CEP290: variants seen among roughly 807,000 people sequenced by gnomAD.
CEP290 encodes the protein centrosomal protein of 290 kDa.
Under a neutral mutation model 344.9 loss-of-function variants are expected in CEP290, and 317 were observed. The observed-to-expected ratio is 0.92, with a 90% confidence interval of 0.84 to 1.01. The LOEUF (loss-of-function observed/expected upper bound fraction) is 1.01. Among genes scored for constraint, CEP290 ranks in the 50% least tolerant of loss-of-function variants. The pLI is 0.00. For missense variants in CEP290, 2,754 were observed against 2,761.4 expected, an observed-to-expected ratio of 1.00 and a Z score of 0.06; for synonymous variants, 932 against 895.8, an observed-to-expected ratio of 1.04 and a Z score of -0.72.
intron 26 of CEP290, among the ~76,000 whole-genome samples, chr12:88,102,507 C>T (rs560780388): frequency 1.3e-5 from 2 of 152,148 alleles, no homozygotes; most frequent in Admixed American, 1.3e-4. Context: ...AATATTCTAC[C>T]TGTTTCATGC....
At chr12:88,125,070 T>C (rs2039647567) in intron 13 of CEP290, among the ~76,000 whole-genome samples, 176 bp downstream of exon 13, 1 of 151,898 alleles carries the variant, frequency 6.6e-6, no homozygotes, top group African/African-American at 2.4e-5. Flanking sequence ...GCATCCATCA[T>C]TTACAAATGT....
At chr12:88,050,464 G>C in intron 52 of CEP290, 31 bp from the exon 53 acceptor site, 2 of 1,094,930 alleles carry the variant, frequency 1.8e-6, no homozygotes, top group Non-Finnish European at 2.7e-6. Context: ...ATTAGACTCA[G>C]CTTTTTCCCA....
chr12:88,130,691 CAAAG>C lies in CEP290; in HGVS notation c.496-130_496-127del, dbSNP rs1280124805. 6.4e-6 allele frequency: 4 copies of C among 627,018 alleles called. No individual in the cohort carries two copies. In the African/African-American group the frequency reaches 7.7e-5, roughly 12 times the overall value. The allele number at this position is 627,018 out of a possible 1,614,324, so 38.8% of individuals were successfully genotyped here. A position where few individuals can be genotyped will look rare whatever the true frequency, so the allele number is the denominator to read the frequency against. On this transcript the variant is annotated intron_variant, in intron 7 of 53. Coordinates refer to ENST00000552810, the MANE Select transcript of CEP290 (RefSeq NM_025114.4). Reference sequence around the variant, plus strand: ...AATGATGCATATTATCTTGAATAACCAAAGAAAGAATACTAATTATCTACCAAAA... The same window carrying C: ...AATGATGCATATTATCTTGAATAACCAAAGAATACTAATTATCTACCAAAA...
intron 30 of CEP290, 49 bp downstream of exon 30, chr12:88,090,679 T>C (rs2036962811): frequency 1.8e-6 from 2 of 1,134,096 alleles, no homozygotes; most frequent in Non-Finnish European, 2.6e-6. Context: ...CTAATGTAAA[T>C]TTAGGGAAAA....
Position 88,089,344 on chromosome 12 carries a change from C to T in CEP290, c.3717G>A (p.Glu1239=), listed in dbSNP as rs1159465602. The part of the protein sequence containing the change: ...QKMEAYNLRL[E]QKLDEKEQAL... ...CCTGTTCTTTTTCATCAAGTTTCTG[C>T]TCTAAGCGCAAGTTGTAGGCCTCCA... Residue 1239 remains glutamate, a synonymous_variant, in exon 31 of 54, where the codon GAG becomes GAA. Coordinates refer to ENST00000552810, the MANE Select transcript of CEP290 (RefSeq NM_025114.4). The T allele has an allele frequency of 4.3e-6, 7 of 1,613,808 alleles. No homozygotes were observed. Among genetic ancestry groups the T allele is most frequent in the Non-Finnish European group, 5.9e-6 (7 of 1,179,886 alleles).
At chr12:88,105,396 C>T (rs1205027146) in intron 25 of CEP290, among the ~76,000 whole-genome samples, 3 of 152,134 alleles carry the variant, frequency 2.0e-5, no homozygotes, top group Admixed American at 6.5e-5. Flanking sequence ...GTGCAGAGTA[C>T]ACCAAGTGTG....
chr12:88,120,135 C>T lies in CEP290; in HGVS notation c.1501G>A (p.Glu501Lys). The T allele has an allele frequency of 6.5e-7, 1 of 1,549,134 alleles. No individual in the cohort carries two copies. The highest frequency in any genetic ancestry group is 8.7e-7 in the Non-Finnish European group (1 of 1,146,128). ...LKISDFLDEN[E>K]ALRERVGLEP... ...TTACCCACACGCTCTCTAAGTGCCT[C>T]ATTTTCATCAAGGAAATCACTGATC... The change falls in exon 15 of 54, where the codon GAG becomes AAG. Residue 501 changes from glutamate (E) to lysine (K), a missense_variant. Glu to Lys is a moderately conservative substitution (Grantham distance 56). Transcript: ENST00000552810.
At chr12:88,085,328 CAG>C (rs2036498247) in intron 34 of CEP290, among the ~76,000 whole-genome samples, 1 of 151,712 alleles carries the variant, frequency 6.6e-6, no homozygotes, top group Non-Finnish European at 1.5e-5. Flanking sequence ...GAGAAAAAAA[CAG>C]AAAAATTTTT....
intron 18 of CEP290, chr12:88,115,623 T>C: frequency 1.7e-6 from 2 of 1,147,306 alleles, no homozygotes; most frequent in Middle Eastern, 2.3e-4. Context: ...ATCAATGTAC[T>C]GCATTTTAGA....
rs190820871 is a variant in CEP290 at position 88,116,952 on chromosome 12, A to C, written c.1824+81T>G. 27,066 of 681,366 alleles carry C rather than the reference A, an allele frequency of 0.04. 2,463 individuals are homozygous for C. Among genetic ancestry groups the C allele is most frequent in the African/African-American group, 0.29 (14,626 of 49,792 alleles). 42.2% of individuals were successfully genotyped at this position (681,366 alleles called of 1,614,324 possible). On this transcript the variant is annotated intron_variant, in intron 18 of 53. Transcript: ENST00000552810. ...TCGCGCCACTGCACTCCAGCCTGGG[A>C]GACAGAGCGAGACTCCGTCTCAAAA...
At chr12:88,097,661 T>C (rs2037540462) in intron 26 of CEP290, among the ~76,000 whole-genome samples, 1 of 151,714 alleles carries the variant, frequency 6.6e-6, no homozygotes, top group South Asian at 2.1e-4. Flanking sequence ...TAAAATATTA[T>C]TTTAAAATAA....
chr12:88,106,703 T>C lies in CEP290; in HGVS notation c.2789A>G (p.Glu930Gly). 6.2e-7 allele frequency: 1 copy of C among 1,608,536 alleles called. No individual in the cohort carries two copies. Among genetic ancestry groups the C allele is most frequent in the South Asian group, 1.1e-5 (1 of 89,414 alleles). ...ELLSMEAEVC[E>G]KIGCLQRFKE... ...AAATCTTTGCAAACACCCAATTTTTTCACAAACTTCAGCCTCCATTGACAA... is the reference window on the plus strand; with the variant it reads ...AAATCTTTGCAAACACCCAATTTTTCCACAAACTTCAGCCTCCATTGACAA... Residue 930 changes from glutamate to glycine, a missense_variant, in exon 25 of 54, where the codon GAA becomes GGA. Physicochemically the swap from Glu to Gly is moderately conservative, Grantham distance 98 (BLOSUM62 -2). Coordinates refer to ENST00000552810, the MANE Select transcript of CEP290 (RefSeq NM_025114.4).
rs1240996430 is a variant in CEP290, at chr12:88,093,931, T to G, written c.3148A>C (p.Ser1050Arg). Residue 1050 changes from serine to arginine, a missense_variant, in exon 28 of 54, where the codon AGT (serine) becomes CGT (arginine). Transcript: ENST00000552810. Reference sequence around the variant, plus strand: ...TTTTTTGAAATGGAAACAATGTCACTGTTGGTTATTGATTTCTTTGCCTTA... The same window carrying G: ...TTTTTTGAAATGGAAACAATGTCACGGTTGGTTATTGATTTCTTTGCCTTA... ...MDKAKKSITN[S>R]DIVSISKKIT... 6.2e-7 allele frequency: 1 copy of G among 1,612,208 alleles called. No homozygotes were observed. The highest frequency in any genetic ancestry group is 1.1e-5 in the South Asian group (1 of 90,832).
chr12:88,092,217 C>T (rs537029135), intron 29 of CEP290, among the ~76,000 whole-genome samples: 38 of 152,148 alleles, frequency 2.5e-4, no homozygotes, highest in African/African-American at 8.7e-4. Context: ...TACCTTGCAC[C>T]GTGACTAGTA....
At chr12:88,059,350 C>T (rs1048445211) in intron 48 of CEP290, among the ~76,000 whole-genome samples, 2 of 152,102 alleles carry the variant, frequency 1.3e-5, no homozygotes, top group Non-Finnish European at 2.9e-5. Flanking sequence ...TTTTGACTTC[C>T]TAATGCTTAC....
chr12:88,071,940 G>T lies in CEP290; in HGVS notation c.5710-14C>A. The T allele has an allele frequency of 6.4e-7, 1 of 1,558,736 alleles. No individual in the cohort carries two copies. The highest frequency in any genetic ancestry group is 8.6e-7 in the Non-Finnish European group (1 of 1,158,658). On this transcript the variant is annotated splice_polypyrimidine_tract_variant and intron_variant, in intron 41 of 53. Coordinates refer to ENST00000552810, the MANE Select transcript of CEP290 (RefSeq NM_025114.4). The stretch of plus-strand genomic sequence containing the variant: ...TTCTTTAGCATTCTGTAACAATAAC[G>T]AAGGAGGTAGGAAAATTACCAGTGT...
chr12:88,055,514 C>T, intron 50 of CEP290, 62 bp downstream of exon 50: 1 of 1,418,000 alleles, frequency 7.1e-7, no homozygotes, highest in Non-Finnish European at 9.5e-7. Context: ...TAAGACAATG[C>T]AAGGAACATC....
At chr12:88,050,945 G>A (rs2033448762) in intron 52 of CEP290, among the ~76,000 whole-genome samples, 1 of 152,060 alleles carries the variant, frequency 6.6e-6, no homozygotes, top group Non-Finnish European at 1.5e-5. Context: ...TACTTTGGTA[G>A]GAAAACAAAA....
In CEP290 at chr12:88,090,410, T is replaced by C. The variant is rs116467530; in HGVS notation, c.3573+318A>G. ...ATTCTGGGAAGTCAAGGTGGGCAGA[T>C]CATTTTAACCCAGGAGTTTGGGACC... On this transcript the variant is annotated intron_variant, in intron 30 of 53. Coordinates refer to ENST00000552810, the MANE Select transcript of CEP290 (RefSeq NM_025114.4). Among the ~76,000 whole-genome samples the C allele has an allele frequency of 0.015, 2,304 of 152,260 alleles. 57 individuals carry two copies. Among genetic ancestry groups the C allele is most frequent in the African/African-American group, 0.052 (2,161 of 41,536 alleles).
Sources: allele counts gnomAD v4.1 joint callset (sites outside exome capture counted in the v4.1 genomes callset), GRCh38; gene constraint gnomAD v4.1.1; transcripts MANE v1.5; gene names NCBI Gene and HGNC (gene_info 2026-07-23, HGNC 2026-07-21).